The following KCNK12 variants were observed in gnomAD, a reference collection of about 807,000 sequenced individuals.
The protein encoded by KCNK12 is potassium channel subfamily K member 12.
Under a neutral mutation model 25.3 loss-of-function variants are expected in KCNK12, and 6 were observed. That is an observed-to-expected ratio of 0.24 (90% CI 0.13 to 0.47). The LOEUF (loss-of-function observed/expected upper bound fraction) is 0.47. Among genes scored for constraint, KCNK12 ranks in the 20% least tolerant of loss-of-function variants. The probability of loss-of-function intolerance (pLI) is 0.99; values close to 1 mark genes in which losing one functional copy is unlikely to be tolerated. For missense variants in KCNK12, 444 were observed against 661.7 expected (o/e 0.67, Z 3.61); for synonymous variants, 331 against 311.1 (o/e 1.06, Z -0.67).
intron 1 of KCNK12, among the ~76,000 whole-genome samples, chr2:47,524,365 T>C (rs1204481152): frequency 6.6e-6 from 1 of 152,166 alleles, no homozygotes; most frequent in Admixed American, 6.5e-5. Flanking sequence ...AGGAAAACTA[T>C]ACAGCAATTA....
chr2:47,523,280 C>T (rs11125142), intron 1 of KCNK12, among the ~76,000 whole-genome samples: 75,328 of 151,904 alleles, frequency 0.5, 18,841 homozygotes, highest in African/African-American at 0.57. Context: ...AAAAGGATTG[C>T]TTGAGAGTAG....
rs1668880078 is a variant in KCNK12, at chr2:47,529,855, ATT to A, written c.392-8049_392-8048del. 6.6e-6 allele frequency among the ~76,000 whole-genome samples: 1 copy of A among 152,226 alleles called. No homozygotes were observed. The highest frequency in any genetic ancestry group is 2.4e-5 in the African/African-American group (1 of 41,454). Reference sequence around the variant, plus strand: ...ATATGACTTGGGTAAACAAGAAATCATTTTTTAAGTATAAGTATGTCCCAAAT... The same window carrying A: ...ATATGACTTGGGTAAACAAGAAATCATTTTAAGTATAAGTATGTCCCAAAT... On this transcript the variant is annotated intron_variant, in intron 1 of 1. Transcript: ENST00000327876. This position sits in a 1 kb window ranked among gnomAD's most constrained non-coding sequence, Gnocchi z 4.3.
At position 47,525,746 on chromosome 2, in the gene KCNK12, G is replaced by T. The variant is rs145077135; in HGVS notation, c.392-3938C>A. Among the ~76,000 whole-genome samples the T allele has an allele frequency of 1.1e-4, 17 of 152,278 alleles. No individual in the cohort carries two copies. The highest frequency in any genetic ancestry group is 4.1e-4 in the African/African-American group (17 of 41,566). On this transcript the variant is annotated intron_variant, in intron 1 of 1. Coordinates refer to ENST00000327876, the MANE Select transcript of KCNK12 (RefSeq NM_022055.2). The surrounding 1 kb of genome is among the most constrained non-coding windows in gnomAD (Gnocchi z 4.1). The stretch of plus-strand genomic sequence containing the variant: ...CAGAGGGCTGGGGACAGCATGAGAG[G>T]GAGTCACAGGAGGAGGGATGGAGAG...
rs1439928960 is a variant in KCNK12 at position 47,560,020 on chromosome 2, G to T, written c.391+9921C>A. 6.6e-6 allele frequency among the ~76,000 whole-genome samples: 1 copy of T among 152,212 alleles called. No individual in the cohort carries two copies. Among genetic ancestry groups the T allele is most frequent in the East Asian group, 1.9e-4 (1 of 5,194 alleles). ...GCGCTTGGTGCAAGGTCTAGGCAGG[G>T]TCTGTTTCAGGACATGACCTTAGGC... On this transcript the variant is annotated intron_variant, in intron 1 of 1. Coordinates refer to ENST00000327876, the MANE Select transcript of KCNK12 (RefSeq NM_022055.2). This position sits in a 1 kb window ranked among gnomAD's most constrained non-coding sequence, Gnocchi z 4.7.
chr2:47,561,919 A>AT lies in KCNK12; in HGVS notation c.391+8021dup, dbSNP rs1220564566. ...CAATAGTCTTCCCAGATATAAGAAC[A>AT]TCTGAGCTAAGAAGGGGCTCAAAGG... On this transcript the variant is annotated intron_variant, in intron 1 of 1. Coordinates refer to ENST00000327876, the MANE Select transcript of KCNK12 (RefSeq NM_022055.2). Among the ~76,000 whole-genome samples the AT allele has an allele frequency of 3.3e-5, 5 of 152,166 alleles. No homozygotes were observed. In the East Asian group the frequency reaches 9.6e-4, roughly 29 times the overall value.
rs962873513 is a variant in KCNK12 at position 47,560,010 on chromosome 2, T to C, written c.391+9931A>G. On this transcript the variant is annotated intron_variant, in intron 1 of 1. Transcript: ENST00000327876. The surrounding 1 kb of genome is among the most constrained non-coding windows in gnomAD (Gnocchi z 4.7). ...GCACTGGCAGGCGCTTGGTGCAAGGTCTAGGCAGGGTCTGTTTCAGGACAT... is the reference window on the plus strand; with the variant it reads ...GCACTGGCAGGCGCTTGGTGCAAGGCCTAGGCAGGGTCTGTTTCAGGACAT... 1.3e-5 allele frequency among the ~76,000 whole-genome samples: 2 copies of C among 152,122 alleles called. No individual in the cohort carries two copies. The highest frequency in any genetic ancestry group is 6.5e-5 in the Admixed American group (1 of 15,272).
chr2:47,537,564 C>T (rs1240604859), intron 1 of KCNK12, among the ~76,000 whole-genome samples: 2 of 152,072 alleles, frequency 1.3e-5, no homozygotes, highest in South Asian at 2.1e-4. Context: ...CTCTTGACCT[C>T]GTGATCCGCC....
Position 47,562,186 on chromosome 2 carries a change from A to G in KCNK12, c.391+7755T>C. On this transcript the variant is annotated intron_variant, in intron 1 of 1. Transcript: ENST00000327876. The surrounding 1 kb of genome is among the most constrained non-coding windows in gnomAD (Gnocchi z 4.8). ...ACCTACTCAACAGAAACTACTTGGT[A>G]AGCAGATTCCCAGGTGGTTCCAGGC... 1 of 398,630 alleles carries G rather than the reference A, an allele frequency of 2.5e-6. No homozygotes were observed. The highest frequency in any genetic ancestry group is 4.4e-6 in the Non-Finnish European group (1 of 226,064). 24.7% of individuals were successfully genotyped at this position (398,630 alleles called of 1,614,324 possible).
At chr2:47,542,576 C>T (rs1669223641) in intron 1 of KCNK12, among the ~76,000 whole-genome samples, 1 of 152,220 alleles carries the variant, frequency 6.6e-6, no homozygotes. Context: ...TGGGCCTGTT[C>T]TGGGGTCCTG....
chr2:47,521,845 G>T (rs1301906921), intron 1 of KCNK12, 37 bp from the exon 2 acceptor site: 24 of 1,468,276 alleles, frequency 1.6e-5, no homozygotes, highest in Non-Finnish European at 2.2e-5. Context: ...GGTCCTGGCC[G>T]CGCAGGTGGT....
chr2:47,514,386 G>A lies in KCNK12; in HGVS notation c.*6521C>T, dbSNP rs118163051. Among the ~76,000 whole-genome samples, 230 of 152,270 alleles carry A rather than the reference G, an allele frequency of 1.5e-3. No homozygotes were observed. Among genetic ancestry groups the A allele is most frequent in the East Asian group, 7.9e-3 (41 of 5,160 alleles). On this transcript the variant is annotated 3_prime_UTR_variant, in exon 2 of 2. Coordinates refer to ENST00000327876, the MANE Select transcript of KCNK12 (RefSeq NM_022055.2). This position sits in a 1 kb window ranked among gnomAD's most constrained non-coding sequence, Gnocchi z 5.0. ...CCTGGAGTCCAGGGACATCAAGGGCGGTCCTGTCTTTCTCACCCTTGTCTC... is the reference window on the plus strand; with the variant it reads ...CCTGGAGTCCAGGGACATCAAGGGCAGTCCTGTCTTTCTCACCCTTGTCTC...
At chr2:47,536,585 G>C (rs1269300798) in intron 1 of KCNK12, among the ~76,000 whole-genome samples, 1 of 152,198 alleles carries the variant, frequency 6.6e-6, no homozygotes, top group African/African-American at 2.4e-5. Context: ...TGGTGAATAA[G>C]ATTGCCCACA....
At chr2:47,526,499 A>G (rs1286167262) in intron 1 of KCNK12, among the ~76,000 whole-genome samples, 2 of 152,098 alleles carry the variant, frequency 1.3e-5, no homozygotes, top group Non-Finnish European at 2.9e-5. Context: ...TTGGGAGGCC[A>G]AGGTGGGTGC....
rs76944412 is a variant in KCNK12, at chr2:47,513,450, T to C, written c.*7457A>G. On this transcript the variant is annotated 3_prime_UTR_variant, in exon 2 of 2. Transcript: ENST00000327876. Reference sequence around the variant, plus strand: ...CATATCTCTGACCCTCTTTCCTTAGTCTTTTTTCTTCTTCCTCCTGTCCCT... The same window carrying C: ...CATATCTCTGACCCTCTTTCCTTAGCCTTTTTTCTTCTTCCTCCTGTCCCT... Among the ~76,000 whole-genome samples the C allele has an allele frequency of 4.5e-3, 685 of 152,318 alleles. 3 individuals carry two copies. Among genetic ancestry groups the C allele is most frequent in the Non-Finnish European group, 7.3e-3 (496 of 68,016 alleles).
At chr2:47,545,248 ACAGGCAGGGATGCTC>A (rs1669289256) in intron 1 of KCNK12, among the ~76,000 whole-genome samples, 1 of 152,134 alleles carries the variant, frequency 6.6e-6, no homozygotes, top group Non-Finnish European at 1.5e-5. Context: ...AGGGTAAAGG[ACAGGCAGGGATGCTC>A]CAGGCAGGGA....
At chr2:47,532,964 C>T (rs1573634225) in intron 1 of KCNK12, among the ~76,000 whole-genome samples, 1 of 152,164 alleles carries the variant, frequency 6.6e-6, no homozygotes. Context: ...CTTACCTTCT[C>T]GGACCCTCGC....
At position 47,513,916 on chromosome 2, in the gene KCNK12, G is replaced by A. The variant is rs1668463579; in HGVS notation, c.*6991C>T. 6.6e-6 allele frequency among the ~76,000 whole-genome samples: 1 copy of A among 152,136 alleles called. No homozygotes were observed. The highest frequency in any genetic ancestry group is 2.1e-4 in the South Asian group (1 of 4,828). On this transcript the variant is annotated 3_prime_UTR_variant, in exon 2 of 2. Coordinates refer to ENST00000327876, the MANE Select transcript of KCNK12 (RefSeq NM_022055.2). ...ACTACCTTGGTCCACCCTGCCATCT[G>A]CTTTCCTCCTCCACTCCTGCATTCT...
intron 1 of KCNK12, chr2:47,564,125 G>A (rs190556397): frequency 8.6e-4 from 200 of 231,778 alleles, no homozygotes; most frequent in African/African-American, 4.3e-3. Flanking sequence ...TCGGGAGGCA[G>A]CTCACCTCCT....
chr2:47,522,478 G>C (rs1413375554), intron 1 of KCNK12, among the ~76,000 whole-genome samples: 1 of 152,110 alleles, frequency 6.6e-6, no homozygotes, highest in East Asian at 1.9e-4. Flanking sequence ...TTGGTCAAAC[G>C]ATCATATTTT....
Sources: gnomAD v4.1 joint callset for allele counts (sites outside exome capture counted in the v4.1 genomes callset) on GRCh38, gnomAD v4.1.1 for gene constraint, Gnocchi (gnomAD v3.1) non-coding constraint, MANE v1.5 for transcripts, NCBI Gene and HGNC (gene_info 2026-07-23, HGNC 2026-07-21) for gene names.